The following AFAP1 variants were observed in gnomAD, a reference collection of about 807,000 sequenced individuals.
AFAP1 encodes actin filament associated protein 1.
Under a neutral mutation model 93.9 loss-of-function variants are expected in AFAP1, and 75 were observed. The ratio of observed to expected loss-of-function variants is 0.80; its 90% CI spans 0.66 to 0.97. AFAP1 has a LOEUF of 0.97. AFAP1 is among the 50% of genes least tolerant of loss of function. The pLI, the probability that AFAP1 is intolerant of heterozygous loss-of-function variation, is 0.00. For missense variants in AFAP1, 1,201 were observed against 1,050.8 expected, an observed-to-expected ratio of 1.14 and a Z score of -1.98; for synonymous variants, 517 against 430.7, an observed-to-expected ratio of 1.20 and a Z score of -2.48.
chr4:7,785,250 G>A (rs1326789203), intron 12 of AFAP1, among the ~76,000 whole-genome samples: 2 of 152,142 alleles, frequency 1.3e-5, no homozygotes, highest in Non-Finnish European at 2.9e-5. Context: ...CTGATTACAC[G>A]TACGACACAG....
At chr4:7,803,865 C>CA (rs1263663740) in intron 9 of AFAP1, among the ~76,000 whole-genome samples, 1 of 151,990 alleles carries the variant, frequency 6.6e-6, no homozygotes, top group Non-Finnish European at 1.5e-5. Flanking sequence ...ATTTTCCCCC[C>CA]AAAAAAATCC....
intron 8 of AFAP1, among the ~76,000 whole-genome samples, chr4:7,811,563 T>C (rs1272538852): frequency 6.6e-6 from 1 of 151,998 alleles, no homozygotes; most frequent in Non-Finnish European, 1.5e-5. Context: ...CGGCAGAACA[T>C]ACCCCTGGTG....
At chr4:7,765,126 G>A (rs1363457660) in intron 17 of AFAP1, among the ~76,000 whole-genome samples, 1 of 151,394 alleles carries the variant, frequency 6.6e-6, no homozygotes, top group Non-Finnish European at 1.5e-5. Flanking sequence ...AATCGCTAAG[G>A]AGACAGAGGC....
chr4:7,842,947 C>T, intron 5 of AFAP1, 192 bp downstream of exon 5: 1 of 600,734 alleles, frequency 1.7e-6, no homozygotes, highest in South Asian at 2.1e-5. Flanking sequence ...CTTGAACACA[C>T]AACACGGGCG....
chr4:7,851,106 C>T (rs905169564), intron 4 of AFAP1, among the ~76,000 whole-genome samples: 1 of 152,170 alleles, frequency 6.6e-6, no homozygotes, highest in African/African-American at 2.4e-5. Flanking sequence ...GAGGGTGGAC[C>T]TCTGGGAGTT....
intron 17 of AFAP1, among the ~76,000 whole-genome samples, chr4:7,766,442 A>G (rs1714588388): frequency 6.6e-6 from 1 of 152,120 alleles, no homozygotes; most frequent in South Asian, 2.1e-4. Context: ...AGCCGAGGAA[A>G]TGGTAACATT....
chr4:7,782,275 C>T (rs1347670547), intron 12 of AFAP1, among the ~76,000 whole-genome samples: 1 of 152,248 alleles, frequency 6.6e-6, no homozygotes. Flanking sequence ...CGCTAAGCCT[C>T]GCGCTCCTTC....
intron 5 of AFAP1, among the ~76,000 whole-genome samples, chr4:7,840,263 T>TGTGTGTGTGTGTGTGTGC (rs1553844306): frequency 9.5e-5 from 3 of 31,564 alleles, no homozygotes; most frequent in Non-Finnish European, 2.2e-4. Context: ...GTTTTTGGGA[T>TGTGTGTGTGTGTGTGTGC]GTGTGTGTGT....
Position 7,778,447 on chromosome 4 carries a change from G to A in AFAP1, c.1897+315C>T, listed in dbSNP as rs187545627. 1.4e-4 allele frequency: 60 copies of A among 434,874 alleles called. No individual in the cohort carries two copies. The East Asian group carries it at 2.7e-3, about 20-fold the overall frequency. The allele number at this position is 434,874 out of a possible 1,614,324, so 26.9% of individuals were successfully genotyped here. ...CCACAGATCAGGGACAGGAGCTGAG[G>A]TCTCCTGACCTGGAGCCCAGGGCCA... On this transcript the variant is annotated intron_variant, in intron 14 of 17. Transcript: ENST00000420658.
Position 7,772,928 on chromosome 4 carries a change from G to GT in AFAP1, c.2144_2145insA (p.Ser715ArgfsTer55). 6.2e-7 allele frequency: 1 copy of GT among 1,613,998 alleles called. No homozygotes were observed. The highest frequency in any genetic ancestry group is 1.6e-4 in the Middle Eastern group (1 of 6,062). On this transcript the variant is annotated frameshift_variant, in exon 16 of 18. Transcript: ENST00000420658. LOFTEE classifies it high-confidence loss of function. ...TGACCTCCGTCAGCTCCAGCTCCAG[G>GT]CTGACACGCTCCGCCTCCTTCTGCC...
chr4:7,866,966 GAT>G (rs1381786790), intron 3 of AFAP1, among the ~76,000 whole-genome samples: 1 of 151,282 alleles, frequency 6.6e-6, no homozygotes, highest in Non-Finnish European at 1.5e-5. Flanking sequence ...TTGAGTCCAA[GAT>G]GTTGAGGCTG....
At chr4:7,828,774 C>T (rs1490979961) in intron 6 of AFAP1, among the ~76,000 whole-genome samples, 2 of 152,166 alleles carry the variant, frequency 1.3e-5, no homozygotes, top group Non-Finnish European at 2.9e-5. Context: ...TGAGAAGTCA[C>T]ATAGCTTGTC....
chr4:7,924,735 C>A (rs186428564), intron 1 of AFAP1, among the ~76,000 whole-genome samples: 11 of 152,238 alleles, frequency 7.2e-5, no homozygotes, highest in Admixed American at 4.6e-4. Flanking sequence ...GGACACCAAC[C>A]CCCTATCTAC....
At chr4:7,837,088 G>A (rs564891619) in intron 6 of AFAP1, among the ~76,000 whole-genome samples, 3 of 152,170 alleles carry the variant, frequency 2.0e-5, no homozygotes, top group African/African-American at 7.2e-5. Context: ...GAAGATAAAC[G>A]TCAAGTAAAC....
At position 7,799,017 on chromosome 4, in the gene AFAP1, T is replaced by C; in HGVS notation, c.1266+1425A>G. 4.1e-6 allele frequency: 4 copies of C among 986,138 alleles called. No individual in the cohort carries two copies. The South Asian group carries it at 1.4e-4, about 35-fold the overall frequency. The allele number at this position is 986,138 out of a possible 1,614,324, so 61.1% of individuals were successfully genotyped here. A position where few individuals can be genotyped will look rare whatever the true frequency, so the allele number is the denominator to read the frequency against. On this transcript the variant is annotated intron_variant, in intron 10 of 17. Transcript: ENST00000420658. ...CAGTTTCTTTATTTAAGTTTTCAGCTTTTTTCCACCGCCATCCACCCTCCA... is the reference window on the plus strand; with the variant it reads ...CAGTTTCTTTATTTAAGTTTTCAGCCTTTTTCCACCGCCATCCACCCTCCA...
At chr4:7,791,853 A>AC (rs1188618278) in intron 11 of AFAP1, among the ~76,000 whole-genome samples, 2 of 131,662 alleles carry the variant, frequency 1.5e-5, no homozygotes, top group African/African-American at 3.0e-5. Context: ...AAAAAAAAAC[A>AC]AAAACAAAAA....
At chr4:7,904,186 G>A (rs1195876449) in intron 1 of AFAP1, among the ~76,000 whole-genome samples, 1 of 152,102 alleles carries the variant, frequency 6.6e-6, no homozygotes, top group East Asian at 1.9e-4. Flanking sequence ...CATGATGACA[G>A]CGAATGACAA....
At chr4:7,870,816 G>A (rs1716957537) in intron 2 of AFAP1, among the ~76,000 whole-genome samples, 1 of 152,118 alleles carries the variant, frequency 6.6e-6, no homozygotes, top group South Asian at 2.1e-4. Context: ...GACTGGCCAG[G>A]TGAGCTTTCC....
At chr4:7,818,027 G>GTGATGT (rs1382666797) in intron 7 of AFAP1, among the ~76,000 whole-genome samples, 1 of 152,198 alleles carries the variant, frequency 6.6e-6, no homozygotes, top group Non-Finnish European at 1.5e-5. Flanking sequence ...GATGAGGACT[G>GTGATGT]TGATGTTTAA....
Sources: allele counts gnomAD v4.1 joint callset (sites outside exome capture counted in the v4.1 genomes callset), GRCh38; gene constraint gnomAD v4.1.1; transcripts MANE v1.5; gene names NCBI Gene and HGNC (gene_info 2026-07-23, HGNC 2026-07-21).